The following FRY variants were observed in gnomAD, a reference collection of about 807,000 sequenced individuals.
The protein encoded by FRY is FRY microtubule binding protein, also known as protein furry homolog.
A neutral mutation model predicts 348.4 loss-of-function variants in FRY; 128 were observed. The ratio of observed to expected loss-of-function variants is 0.37; its 90% confidence interval spans 0.32 to 0.43. FRY has a LOEUF of 0.43. Ranked by LOEUF, FRY falls within the 20% of genes least tolerant of loss-of-function variation. The probability of loss-of-function intolerance (pLI) is 1.00; values close to 1 mark genes in which losing one functional copy is unlikely to be tolerated. For synonymous variants in FRY, 1,370 were observed against 1,374.7 expected (o/e 1.00, Z 0.08); for missense variants, 2,736 against 3,695.2 (o/e 0.74, Z 6.73).
chr13:32,102,916 T>C (rs1877259696), intron 3 of FRY, among the ~76,000 whole-genome samples: 1 of 152,174 alleles, frequency 6.6e-6, no homozygotes, highest in South Asian at 2.1e-4. Flanking sequence ...TAGTACGGTG[T>C]TTTTATGGTC....
At chr13:32,249,782 A>AG (rs773772178) in intron 49 of FRY, 95 bp downstream of exon 49, 27 of 1,156,136 alleles carry the variant, frequency 2.3e-5, no homozygotes, top group Non-Finnish European at 3.1e-5. Flanking sequence ...CACCATCCCA[A>AG]GGTTGCCCAT....
chr13:32,068,778 C>G (rs1316072598), intron 1 of FRY, among the ~76,000 whole-genome samples: 1 of 152,084 alleles, frequency 6.6e-6, no homozygotes, highest in Non-Finnish European at 1.5e-5. Context: ...TAGACTTGCT[C>G]TTTGTTAGGA....
In FRY at chr13:32,155,435, A is replaced by C. The variant is rs1706240760; in HGVS notation, c.1480-56A>C. On this transcript the variant is annotated intron_variant, in intron 14 of 60. Transcript: ENST00000542859. The stretch of plus-strand genomic sequence containing the variant: ...AACTATCTGAAAGACTTATGGATGT[A>C]TTCCACTACAATAATTGGGCCTTTC... The C allele has an allele frequency of 4.0e-6, 5 of 1,236,876 alleles. No homozygotes were observed. In the Admixed American group the frequency reaches 5.0e-5, roughly 12 times the overall value. The allele number at this position is 1,236,876 out of a possible 1,614,324, so 76.6% of individuals were successfully genotyped here.
At chr13:32,151,625 C>A (rs9567282) in intron 14 of FRY, among the ~76,000 whole-genome samples, 46,798 of 152,128 alleles carry the variant, frequency 0.31, 7,452 homozygotes, top group East Asian at 0.55. Context: ...TGCACCACCA[C>A]TCAACTCTTC....
At chr13:32,259,699 T>C (rs1887529741) in intron 51 of FRY, among the ~76,000 whole-genome samples, 1 of 152,208 alleles carries the variant, frequency 6.6e-6, no homozygotes, top group African/African-American at 2.4e-5. Flanking sequence ...CTCTGCATAG[T>C]TAGTATTCTG....
intron 28 of FRY, among the ~76,000 whole-genome samples, chr13:32,192,804 C>T (rs894464337): frequency 6.9e-6 from 1 of 144,204 alleles, no homozygotes; most frequent in Non-Finnish European, 1.5e-5. Context: ...AGTGCAGTAG[C>T]GCCATCTCAG....
intron 29 of FRY, among the ~76,000 whole-genome samples, chr13:32,198,729 C>A (rs1301181476): frequency 6.6e-6 from 1 of 152,244 alleles, no homozygotes; most frequent in African/African-American, 2.4e-5. Flanking sequence ...TTGCACTCAT[C>A]ATCATCACCA....
intron 28 of FRY, 90 bp downstream of exon 28, chr13:32,187,746 A>T (rs575528981): frequency 2.7e-6 from 2 of 747,588 alleles, no homozygotes; most frequent in East Asian, 2.5e-5. Flanking sequence ...TGTTCACAAT[A>T]CCTCTTCACA....
At chr13:32,167,180 G>A (rs1198456936) in intron 17 of FRY, among the ~76,000 whole-genome samples, 1 of 152,150 alleles carries the variant, frequency 6.6e-6, no homozygotes, top group African/African-American at 2.4e-5. Context: ...TTCGTCCTTG[G>A]TGCTTGTCTG....
chr13:32,203,126 T>G (rs981241638), intron 31 of FRY, among the ~76,000 whole-genome samples: 3 of 152,144 alleles, frequency 2.0e-5, no homozygotes, highest in African/African-American at 7.2e-5. Flanking sequence ...GGTGCTTAGA[T>G]TAATAATACT....
At chr13:32,231,379 G>T (rs896871773) in intron 41 of FRY, 79 bp downstream of exon 41, 2 of 1,444,274 alleles carry the variant, frequency 1.4e-6, no homozygotes, top group Non-Finnish European at 1.9e-6. Context: ...TGATTACAGC[G>T]CCTTAAAACG....
intron 1 of FRY, among the ~76,000 whole-genome samples, chr13:32,036,249 G>T (rs565261645): frequency 4.6e-5 from 7 of 152,320 alleles, no homozygotes; most frequent in African/African-American, 1.7e-4. Context: ...TCAAGTGCAA[G>T]CATATTTAAT....
chr13:32,137,848 G>A (rs1316233886), intron 11 of FRY, among the ~76,000 whole-genome samples: 1 of 151,724 alleles, frequency 6.6e-6, no homozygotes, highest in South Asian at 2.1e-4. Flanking sequence ...TTTCTATGAT[G>A]CTTTAATTTG....
intron 7 of FRY, among the ~76,000 whole-genome samples, chr13:32,126,475 T>C (rs2138732869): frequency 6.6e-6 from 1 of 152,358 alleles, no homozygotes; most frequent in South Asian, 2.1e-4. Flanking sequence ...AGTGTTTGCT[T>C]GCCAATGGTG....
chr13:32,182,379 C>T (rs1315114610), intron 23 of FRY, among the ~76,000 whole-genome samples: 1 of 152,078 alleles, frequency 6.6e-6, no homozygotes, highest in Non-Finnish European at 1.5e-5. Context: ...TTAGTACTTG[C>T]CATACAGAAT....
chr13:32,290,480 A>G (rs1038472555), intron 59 of FRY, among the ~76,000 whole-genome samples: 2 of 152,144 alleles, frequency 1.3e-5, no homozygotes, highest in Admixed American at 6.6e-5. Flanking sequence ...GAGCATGGCC[A>G]TAAGCCTGAT....
intron 2 of FRY, among the ~76,000 whole-genome samples, chr13:32,081,545 G>A (rs1418715152): frequency 6.6e-6 from 1 of 152,062 alleles, no homozygotes; most frequent in African/African-American, 2.4e-5. Context: ...GCCTGGTCTC[G>A]AACTCATGAC....
intron 4 of FRY, among the ~76,000 whole-genome samples, chr13:32,123,229 C>T (rs983287660): frequency 1.3e-5 from 2 of 152,184 alleles, no homozygotes; most frequent in African/African-American, 4.8e-5. Context: ...GCCCACATAG[C>T]CAAAGCATGA....
intron 49 of FRY, among the ~76,000 whole-genome samples, chr13:32,249,986 C>CT (rs1450087441): frequency 6.6e-6 from 1 of 152,224 alleles, no homozygotes; most frequent in Non-Finnish European, 1.5e-5. Flanking sequence ...TTCTGCCCCT[C>CT]TGCCACTCTC....
Sources: gnomAD v4.1 joint callset for allele counts (sites outside exome capture counted in the v4.1 genomes callset) on GRCh38, gnomAD v4.1.1 for gene constraint, MANE v1.5 for transcripts, NCBI Gene and HGNC (gene_info 2026-07-23, HGNC 2026-07-21) for gene names.